ACOT2: variants seen among roughly 807,000 people sequenced by gnomAD.
The protein encoded by ACOT2 is acyl-coenzyme A thioesterase 2, mitochondrial.
ACOT2 carries 15 observed loss-of-function variants against 20.1 expected under a neutral mutation model. The observed-to-expected ratio is 0.75, with a 90% CI of 0.50 to 1.15. ACOT2 has a LOEUF of 1.15. ACOT2 is among the 50% of genes most tolerant of loss of function. The probability of loss-of-function intolerance (pLI) is 0.00; values close to 1 mark genes in which losing one functional copy is unlikely to be tolerated. For synonymous variants in ACOT2, 252 were observed against 268.4 expected (o/e 0.94, Z 0.60); for missense variants, 479 against 615.3 (o/e 0.78, Z 2.34).
intron 1 of ACOT2, among the ~76,000 whole-genome samples, chr14:73,570,345 A>G (rs1595169248): frequency 6.6e-6 from 1 of 151,810 alleles, no homozygotes; most frequent in African/African-American, 2.4e-5. Context: ...CTCGGCGGGC[A>G]GATCACGAGA....
chr14:73,568,352 G>GA (rs34209744), upstream of ACOT2, among the ~76,000 whole-genome samples: 38,025 of 145,958 alleles, frequency 0.26, 5,351 homozygotes, highest in South Asian at 0.36. Flanking sequence ...CTTAAGTGAT[G>GA]AAAAAAAAAA....
At chr14:73,569,184 C>G (rs1889654504), upstream of ACOT2, 5 of 1,588,092 alleles carry the variant, frequency 3.1e-6, no homozygotes, top group Non-Finnish European at 4.3e-6. Context: ...TCCCCGCTCA[C>G]GTTAGCAGAC....
intron 1 of ACOT2, among the ~76,000 whole-genome samples, chr14:73,571,008 G>A (rs1889732058): frequency 6.7e-6 from 1 of 148,658 alleles, no homozygotes; most frequent in Non-Finnish European, 1.5e-5. Context: ...AATTCCGACT[G>A]GTTTTCTCAC....
At position 73,575,328 on chromosome 14, in the gene ACOT2, T is replaced by C. The variant is rs1236900640; in HGVS notation, c.1267T>C (p.Tyr423His). Residue 423 changes from tyrosine (Y) to histidine (H), a missense_variant, in exon 3 of 3, where the codon TAT becomes CAT. Transcript: ENST00000238651. ...CATCTGTTACCCAGAGACAGGGCAC[T>C]ATATTGAGCCTCCTTACTTCCCCCT... ...QIICYPETGHYIEPPYFPLCR... is the reference protein window; with the variant it reads ...QIICYPETGHHIEPPYFPLCR... 4.5e-6 allele frequency: 4 copies of C among 883,080 alleles called. No individual in the cohort carries two copies. The highest frequency in any genetic ancestry group is 6.5e-6 in the Non-Finnish European group (4 of 612,376). The allele number at this position is 883,080 out of a possible 1,614,324, so 54.7% of individuals were successfully genotyped here. A position where few individuals can be genotyped will look rare whatever the true frequency, so the allele number is the denominator to read the frequency against.
rs143645932 is a variant in ACOT2, at chr14:73,569,408, C to T, written c.168C>T (p.Ile56=). 9 of 1,613,846 alleles carry T rather than the reference C, an allele frequency of 5.6e-6. No individual in the cohort carries two copies. Among genetic ancestry groups the T allele is most frequent in the Non-Finnish European group, 5.9e-6 (7 of 1,179,810 alleles). The change falls in exon 1 of 3, where the codon ATC becomes ATT. Residue 56 remains isoleucine, a synonymous_variant. Coordinates refer to ENST00000238651, the MANE Select transcript of ACOT2 (RefSeq NM_006821.6). ...CACAGCTGAGGCAGGTTGGTCAGAT[C>T]ATTAGGGTTCCTGCTCGGATGGCGG... ...GSPQLRQVGQ[I]IRVPARMAAT... is the part of the protein sequence containing the mutation.
intron 2 of ACOT2, among the ~76,000 whole-genome samples, 166 bp downstream of exon 2, chr14:73,573,756 C>G (rs1314642974): frequency 2.0e-5 from 3 of 151,488 alleles, no homozygotes; most frequent in Admixed American, 2.0e-4. Context: ...GAGATGGAGT[C>G]TCACTCTGTT....
intron 1 of ACOT2, among the ~76,000 whole-genome samples, chr14:73,571,893 A>G (rs531584692): frequency 6.6e-6 from 1 of 152,228 alleles, no homozygotes; most frequent in South Asian, 2.1e-4. Context: ...TATATTACAT[A>G]AAGAGCAATC....
rs1889849480 is a variant in ACOT2 at position 73,574,951 on chromosome 14, G to A, written c.890G>A (p.Gly297Asp). 6.2e-7 allele frequency: 1 copy of A among 1,604,580 alleles called. No homozygotes were observed. Among genetic ancestry groups the A allele is most frequent in the Non-Finnish European group, 8.5e-7 (1 of 1,174,998 alleles). The change falls in exon 3 of 3, where the codon GGT becomes GAT. Residue 297 changes from glycine to aspartate, a missense_variant. Coordinates refer to ENST00000238651, the MANE Select transcript of ACOT2 (RefSeq NM_006821.6). Reference protein sequence around the residue: ...GVGLLGISKGGELCLSMASFL... With the variant: ...GVGLLGISKGDELCLSMASFL... ...GGGCTGCTTGGAATTTCCAAAGGGG[G>A]TGAGCTCTGCCTTTCCATGGCCTCT...
In ACOT2 at chr14:73,569,612, G is replaced by C. The variant is rs772106122; in HGVS notation, c.372G>C (p.Leu124=). 1.2e-6 allele frequency: 2 copies of C among 1,600,964 alleles called. No homozygotes were observed. Among genetic ancestry groups the C allele is most frequent in the South Asian group, 2.2e-5 (2 of 90,300 alleles). The change falls in exon 1 of 3, where the codon CTG becomes CTC. Residue 124 remains leucine, a synonymous_variant. Transcript: ENST00000238651. ...CCGACACTCTTGGCGAGCTGGACCT[G>C]GAGCGCGCGCCCGCGCTGGGCGGCA... The part of the protein sequence containing the change: ...YRADTLGELD[L]ERAPALGGSF...
chr14:73,572,673 T>G (rs1889786059), intron 1 of ACOT2, among the ~76,000 whole-genome samples: 1 of 138,898 alleles, frequency 7.2e-6, no homozygotes, highest in Admixed American at 7.5e-5. Flanking sequence ...TTTGAGACAG[T>G]GTCTCGCTCT....
chr14:73,568,565 CA>C (rs35487534), upstream of ACOT2, among the ~76,000 whole-genome samples: 21,549 of 143,134 alleles, frequency 0.15, 2,285 homozygotes, highest in Non-Finnish European at 0.23. Flanking sequence ...CCCTGTCTCT[CA>C]AAAAAAAAAA....
chr14:73,573,841 C>T (rs1889817703), intron 2 of ACOT2, among the ~76,000 whole-genome samples: 1 of 152,010 alleles, frequency 6.6e-6, no homozygotes, highest in Non-Finnish European at 1.5e-5. Flanking sequence ...ATTCTTGTGC[C>T]CCACCCTCCC....
At chr14:73,568,939 T>C (rs1889650937), upstream of ACOT2, 3 of 441,758 alleles carry the variant, frequency 6.8e-6, no homozygotes, top group African/African-American at 3.9e-5. Flanking sequence ...TGATCAAAAC[T>C]AACTCCAGCT....
At position 73,573,473 on chromosome 14, in the gene ACOT2, G is replaced by C. The variant is rs1233605233; in HGVS notation, c.729G>C (p.Lys243Asn). Reference protein sequence around the residue: ...LEYRASLLAGKGFAVMALAYY... With the variant: ...LEYRASLLAGNGFAVMALAYY... Reference sequence around the variant, plus strand: ...ATCGGGCTAGTCTGCTGGCTGGGAAGGGTTTTGCTGTGATGGCTCTGGCTT... The same window carrying C: ...ATCGGGCTAGTCTGCTGGCTGGGAACGGTTTTGCTGTGATGGCTCTGGCTT... Residue 243 changes from lysine to asparagine, a missense_variant, in exon 2 of 3, where the codon AAG (lysine) becomes AAC (asparagine). Lys to Asn is a moderately conservative substitution (Grantham distance 94, BLOSUM62 0). Around this residue, in one of 4 missense-constraint regions of ACOT2, gnomAD observed 400 missense variants for 395.5 expected, o/e 1.01. Transcript: ENST00000238651. The C allele has an allele frequency of 2.5e-6, 4 of 1,613,700 alleles. No individual in the cohort carries two copies. The highest frequency in any genetic ancestry group is 3.4e-6 in the Non-Finnish European group (4 of 1,179,724).
chr14:73,574,713 C>A (rs1366847683), intron 2 of ACOT2, among the ~76,000 whole-genome samples, 195 bp from the exon 3 acceptor site: 1 of 151,980 alleles, frequency 6.6e-6, no homozygotes, highest in Non-Finnish European at 1.5e-5. Context: ...ACATGGTTAT[C>A]ACCAAGAGTG....
intron 2 of ACOT2, 111 bp downstream of exon 2, chr14:73,573,701 C>G: frequency 1.6e-6 from 2 of 1,254,136 alleles, no homozygotes; most frequent in East Asian, 4.7e-5. Context: ...TACCCCAACA[C>G]ACACTACCTT....
chr14:73,569,797 G>C lies in ACOT2; in HGVS notation c.557G>C (p.Arg186Pro). The C allele has an allele frequency of 6.2e-7, 1 of 1,603,550 alleles. No homozygotes were observed. The highest frequency in any genetic ancestry group is 8.5e-7 in the Non-Finnish European group (1 of 1,176,080). Residue 186 changes from arginine (R) to proline (P), a missense_variant, in exon 1 of 3, where the codon CGG (arginine) becomes CCG (proline). By Grantham distance (103) the Arg-to-Pro change is moderately radical. Coordinates refer to ENST00000238651, the MANE Select transcript of ACOT2 (RefSeq NM_006821.6). Reference sequence around the variant, plus strand: ...CCCGGGCGGCTGCTGTGCCAGACGCGGCACGAGCGCTACTTCCTCCCGCCC... The same window carrying C: ...CCCGGGCGGCTGCTGTGCCAGACGCCGCACGAGCGCTACTTCCTCCCGCCC... ...PDPGRLLCQT[R>P]HERYFLPPGV...
In ACOT2 at chr14:73,569,839, C is replaced by T. The variant is rs755214138; in HGVS notation, c.599C>T (p.Pro200Leu). Residue 200 changes from proline to leucine, a missense_variant, in exon 1 of 3, where the codon CCG (proline) becomes CTG (leucine). This residue lies in a region of ACOT2 where 400 missense variants were observed against 395.5 expected (regional missense o/e 1.01). Coordinates refer to ENST00000238651, the MANE Select transcript of ACOT2 (RefSeq NM_006821.6). ...YFLPPGVRRE[P>L]VRVGRVRGTL... Reference sequence around the variant, plus strand: ...CTCCCGCCCGGGGTGCGGCGCGAGCCGGTGCGCGTGGGCCGGGTGCGAGGC... The same window carrying T: ...CTCCCGCCCGGGGTGCGGCGCGAGCTGGTGCGCGTGGGCCGGGTGCGAGGC... The T allele has an allele frequency of 5.0e-6, 8 of 1,604,374 alleles. No homozygotes were observed. In the African/African-American group the frequency reaches 6.7e-5, roughly 13 times the overall value.
chr14:73,570,644 C>G (rs548630951), intron 1 of ACOT2, among the ~76,000 whole-genome samples: 1 of 151,998 alleles, frequency 6.6e-6, no homozygotes, highest in Non-Finnish European at 1.5e-5. Context: ...GTGGCTAACG[C>G]CTGTAATCCT....
Sources: gnomAD v4.1 joint callset for allele counts (sites outside exome capture counted in the v4.1 genomes callset) on GRCh38, gnomAD v4.1.1 for gene constraint, gnomAD v4.1.1 regional missense constraint, MANE v1.5 for transcripts, NCBI Gene and HGNC (gene_info 2026-07-23, HGNC 2026-07-21) for gene names.